The following ANP32B variants were observed in gnomAD, a reference collection of about 807,000 sequenced individuals.
ANP32B encodes acidic leucine-rich nuclear phosphoprotein 32 family member B.
ANP32B carries 6 observed loss-of-function variants against 32.2 expected under a neutral mutation model. The observed-to-expected ratio is 0.19, with a 90% CI of 0.10 to 0.37. ANP32B has a LOEUF of 0.37. Ranked by LOEUF, ANP32B falls within the 10% of genes least tolerant of loss-of-function variation. The probability of loss-of-function intolerance (pLI) is 1.00; values close to 1 mark genes in which losing one functional copy is unlikely to be tolerated. For missense variants in ANP32B, 204 were observed against 289.2 expected (o/e 0.71, Z 2.14); for synonymous variants, 98 against 105.8 (o/e 0.93, Z 0.45).
At chr9:98,010,636 A>G (rs939649211) in intron 4 of ANP32B, among the ~76,000 whole-genome samples, 2 of 152,070 alleles carry the variant, frequency 1.3e-5, no homozygotes, top group African/African-American at 4.8e-5. Context: ...TGCAGAGACC[A>G]GGAGGCAGGT....
chr9:98,011,401 T>C lies in ANP32B; in HGVS notation c.636+12T>C. The C allele has an allele frequency of 1.3e-6, 2 of 1,588,294 alleles. No homozygotes were observed. Among genetic ancestry groups the C allele is most frequent in the South Asian group, 1.1e-5 (1 of 87,378 alleles). On this transcript the variant is annotated intron_variant, in intron 5 of 6. Transcript: ENST00000339399. ...AAGTCAGTGAGGAGGTCAGTGCAGC[T>C]GTTTTCTACCCTGCTTCCTATTTGT...
intron 2 of ANP32B, among the ~76,000 whole-genome samples, chr9:97,995,986 T>G (rs912503980): frequency 6.6e-6 from 1 of 152,084 alleles, no homozygotes; most frequent in Non-Finnish European, 1.5e-5. Context: ...GAAGTATTTT[T>G]TGTTTTGCTT....
chr9:98,009,588 CTA>C (rs1398187845), intron 4 of ANP32B, among the ~76,000 whole-genome samples: 1 of 152,232 alleles, frequency 6.6e-6, no homozygotes, highest in Non-Finnish European at 1.5e-5. Context: ...ATTTGCACTC[CTA>C]TGAGGATCTA....
chr9:98,012,276 A>G (rs1306587103), intron 5 of ANP32B, 145 bp from the exon 6 acceptor site: 3 of 1,065,202 alleles, frequency 2.8e-6, no homozygotes, highest in Admixed American at 3.3e-5. Context: ...TGGTACATCA[A>G]AGTAGATAAA....
intron 4 of ANP32B, among the ~76,000 whole-genome samples, chr9:98,010,275 T>G (rs369751953): frequency 1.2e-3 from 163 of 135,398 alleles, no homozygotes; most frequent in South Asian, 4.1e-3. Context: ...TTTTTTTTTT[T>G]GTTTTTTTTT....
rs10984704 is a variant in ANP32B, at chr9:97,998,794, T to C, written c.327+116T>C. ...TTGGTTGAGAAAGTGGTGGCTTTTT[T>C]TTTTTTTTTTTTTTTTTTTTTTTTT... On this transcript the variant is annotated intron_variant, in intron 3 of 6. Transcript: ENST00000339399. 8 of 73,766 alleles carry C rather than the reference T, an allele frequency of 1.1e-4. 1 individual carries two copies. Among genetic ancestry groups the C allele is most frequent in the Admixed American group, 5.0e-4 (2 of 3,998 alleles). The allele number at this position is 73,766 out of a possible 1,614,324, so 4.6% of individuals were successfully genotyped here. A position where few individuals can be genotyped will look rare whatever the true frequency, so the allele number is the denominator to read the frequency against.
intron 3 of ANP32B, chr9:98,002,212 C>T (rs1476333409): frequency 2.0e-5 from 3 of 152,114 alleles, no homozygotes; most frequent in Non-Finnish European, 2.9e-5. Context: ...TTTTGAACAC[C>T]GTCTACTTTG....
chr9:97,984,062 G>A (rs2131576998), intron 1 of ANP32B, among the ~76,000 whole-genome samples: 1 of 150,188 alleles, frequency 6.7e-6, no homozygotes, highest in Admixed American at 6.6e-5. Context: ...GCCGGCCGGG[G>A]AAGGGGCGCG....
In ANP32B at chr9:98,012,504, C is replaced by T. The variant is rs756073300; in HGVS notation, c.688+32C>T. On this transcript the variant is annotated intron_variant, in intron 6 of 6. Coordinates refer to ENST00000339399, the MANE Select transcript of ANP32B (RefSeq NM_006401.3). ...CTAATGCATGCATTTTGATCATTCTCAGTTAAAAATTAGAGAAAAACATCC... is the reference window on the plus strand; with the variant it reads ...CTAATGCATGCATTTTGATCATTCTTAGTTAAAAATTAGAGAAAAACATCC... The T allele has an allele frequency of 3.1e-6, 5 of 1,605,560 alleles. No homozygotes were observed. In the Admixed American group the frequency reaches 7.0e-5, roughly 23 times the overall value.
chr9:97,993,336 C>G (rs923507032), intron 1 of ANP32B, among the ~76,000 whole-genome samples: 3 of 152,154 alleles, frequency 2.0e-5, no homozygotes, highest in African/African-American at 7.2e-5. Context: ...AGAGTAGCAT[C>G]ATTGGATTTT....
chr9:98,014,198 G>T (rs968195455), intron 6 of ANP32B, among the ~76,000 whole-genome samples: 4 of 152,140 alleles, frequency 2.6e-5, no homozygotes, highest in Non-Finnish European at 5.9e-5. Flanking sequence ...ATGAGGTCAG[G>T]AGATCGAGAC....
intron 1 of ANP32B, among the ~76,000 whole-genome samples, chr9:97,991,015 T>G (rs1160936052): frequency 1.3e-5 from 2 of 151,066 alleles, no homozygotes; most frequent in Non-Finnish European, 2.9e-5. Flanking sequence ...AGAGATGGGG[T>G]TTCGCCAGGT....
Position 97,987,427 on chromosome 9 carries a change from T to G in ANP32B, c.54+3818T>G. ...ATACACCATATATACACCATGGAAA[T>G]TGGAGGTCTTGTCAGTAAAATGAGA... On this transcript the variant is annotated intron_variant, in intron 1 of 6. Transcript: ENST00000339399. 2.6e-5 allele frequency: 4 copies of G among 152,322 alleles called. No individual in the cohort carries two copies. The South Asian group carries it at 8.3e-4, about 32-fold the overall frequency. 9.4% of individuals were successfully genotyped at this position (152,322 alleles called of 1,614,324 possible). A position where few individuals can be genotyped will look rare whatever the true frequency, so the allele number is the denominator to read the frequency against.
chr9:98,012,788 T>A (rs1828209487), intron 6 of ANP32B, among the ~76,000 whole-genome samples: 2 of 152,238 alleles, frequency 1.3e-5, no homozygotes, highest in African/African-American at 4.8e-5. Flanking sequence ...TGGAGTGCAG[T>A]GGCACGATCT....
intron 4 of ANP32B, among the ~76,000 whole-genome samples, chr9:98,011,056 A>G (rs559305911): frequency 6.6e-6 from 1 of 152,218 alleles, no homozygotes; most frequent in South Asian, 2.1e-4. Context: ...AGCGAGAATT[A>G]TAGTGTTTGT....
intron 2 of ANP32B, among the ~76,000 whole-genome samples, chr9:97,996,423 T>C (rs1330132581): frequency 1.3e-5 from 2 of 152,162 alleles, no homozygotes; most frequent in East Asian, 3.8e-4. Context: ...TTTTGTTGGT[T>C]TTGGGTGGGA....
intron 4 of ANP32B, 97 bp from the exon 5 acceptor site, chr9:98,011,174 C>T (rs1828176803): frequency 6.8e-7 from 1 of 1,471,420 alleles, no homozygotes; most frequent in Admixed American, 2.5e-5. Flanking sequence ...CGTGGCCTTA[C>T]AGCATTTGTT....
chr9:98,000,065 G>A (rs554078692), intron 3 of ANP32B, among the ~76,000 whole-genome samples: 1 of 152,332 alleles, frequency 6.6e-6, no homozygotes, highest in South Asian at 2.1e-4. Flanking sequence ...TCAAGAGTTA[G>A]AAGATCTTTT....
At chr9:97,999,602 T>G (rs139016914) in intron 3 of ANP32B, among the ~76,000 whole-genome samples, 12 of 152,362 alleles carry the variant, frequency 7.9e-5, no homozygotes, top group African/African-American at 2.2e-4. Flanking sequence ...GCAAACTGCT[T>G]CTTCTCTCTG....
Sources: gnomAD v4.1 joint callset for allele counts (sites outside exome capture counted in the v4.1 genomes callset) on GRCh38, gnomAD v4.1.1 for gene constraint, MANE v1.5 for transcripts, NCBI Gene and HGNC (gene_info 2026-07-23, HGNC 2026-07-21) for gene names.